TECTA: variants seen among roughly 807,000 people sequenced by gnomAD.
TECTA encodes the protein tectorin alpha.
A neutral mutation model predicts 216.8 loss-of-function variants in TECTA; 128 were observed. That is an observed-to-expected ratio of 0.59 (90% CI 0.51 to 0.68). The LOEUF is 0.68. Among genes scored for constraint, TECTA ranks in the 30% least tolerant of loss-of-function variants. TECTA has a pLI of 0.00. For synonymous variants in TECTA, 1,089 were observed against 1,117.1 expected, an observed-to-expected ratio of 0.97 and a Z score of 0.50; for missense variants, 2,551 against 2,786.2, an observed-to-expected ratio of 0.92 and a Z score of 1.90.
intron 20 of TECTA, 98 bp from the exon 21 acceptor site, chr11:121,187,734 T>C: frequency 7.3e-7 from 1 of 1,366,788 alleles, no homozygotes. Flanking sequence ...CCATTTATGG[T>C]GGTTTTATGT....
At chr11:121,134,574 CT>C (rs34432296) in intron 10 of TECTA, among the ~76,000 whole-genome samples, 36,570 of 148,362 alleles carry the variant, frequency 0.25, 4,567 homozygotes, top group African/African-American at 0.3. Context: ...TTCCCAAAGT[CT>C]TTTTTTTTTT....
At chr11:121,181,668 C>T (rs1947230975) in intron 20 of TECTA, among the ~76,000 whole-genome samples, 1 of 151,960 alleles carries the variant, frequency 6.6e-6, no homozygotes, top group Admixed American at 6.6e-5. Context: ...CAGGTTTCTC[C>T]ATGTTGGTCA....
chr11:121,163,685 A>C (rs1947024344), intron 16 of TECTA, among the ~76,000 whole-genome samples: 1 of 152,242 alleles, frequency 6.6e-6, no homozygotes, highest in African/African-American at 2.4e-5. Context: ...AATTTAAAAA[A>C]ATACATATAT....
intron 20 of TECTA, among the ~76,000 whole-genome samples, chr11:121,176,994 C>T (rs902731835): frequency 2.0e-5 from 3 of 152,224 alleles, no homozygotes; most frequent in Non-Finnish European, 2.9e-5. Context: ...GCATTCTTCA[C>T]GTAGTTCTTG....
chr11:121,135,893 A>G (rs1946721108), intron 10 of TECTA, among the ~76,000 whole-genome samples: 1 of 152,130 alleles, frequency 6.6e-6, no homozygotes, highest in East Asian at 1.9e-4. Flanking sequence ...CCATTAAAGT[A>G]ATAGTGAGAA....
chr11:121,131,184 A>C (rs950413104), intron 10 of TECTA, among the ~76,000 whole-genome samples: 1 of 126,944 alleles, frequency 7.9e-6, no homozygotes, highest in Non-Finnish European at 1.6e-5. Context: ...ACTGCACTCC[A>C]GCCTGGGCGA....
rs551612251 is a variant in TECTA at position 121,160,378 on chromosome 11, G to A, written c.4933G>A (p.Val1645Met). Reference protein sequence around the residue: ...TLRGKPVVSSVVLAQSWKTNG... With the variant: ...TLRGKPVVSSMVLAQSWKTNG... ...GCGAGGGAAGCCGGTGGTAAGCAGC[G>A]TGGTGCTGGCCCAGAGCTGGAAAAC... is the stretch of plus-strand genomic sequence containing the variant. Residue 1645 changes from valine (V) to methionine (M), a missense_variant, in exon 15 of 24, where the codon GTG (valine) becomes ATG (methionine). Val to Met is a conservative substitution (Grantham distance 21). This residue lies in a region of TECTA where 2,375 missense variants were observed against 2,563.9 expected (regional missense o/e 0.93). Coordinates refer to ENST00000392793, the MANE Select transcript of TECTA (RefSeq NM_005422.4). The A allele has an allele frequency of 1.4e-5, 23 of 1,613,386 alleles. No homozygotes were observed. Among genetic ancestry groups the A allele is most frequent in the African/African-American group, 4.0e-5 (3 of 75,012 alleles).
intron 7 of TECTA, among the ~76,000 whole-genome samples, chr11:121,125,002 C>T (rs1403751930): frequency 2.6e-5 from 4 of 152,194 alleles, no homozygotes; most frequent in Non-Finnish European, 1.5e-5. Flanking sequence ...TGAAGCTAGC[C>T]AAGAGCCAGC....
intron 7 of TECTA, among the ~76,000 whole-genome samples, chr11:121,123,829 G>C (rs930334903): frequency 7.2e-5 from 11 of 152,136 alleles, no homozygotes; most frequent in Non-Finnish European, 1.5e-4. Context: ...TGTTCTGGCT[G>C]CTCTTCTCAC....
At chr11:121,158,374 A>T (rs1286670645) in intron 14 of TECTA, 150 bp downstream of exon 14, 2 of 1,174,356 alleles carry the variant, frequency 1.7e-6, no homozygotes, top group Non-Finnish European at 2.4e-6. Context: ...TAAAGAATCA[A>T]AGTATGAAGA....
rs763304703 is a variant in TECTA at position 121,160,281 on chromosome 11, G to A, written c.4836G>A (p.Glu1612=). 1 of 1,614,222 alleles carries A rather than the reference G, an allele frequency of 6.2e-7. No homozygotes were observed. The highest frequency in any genetic ancestry group is 2.2e-5 in the East Asian group (1 of 44,896). ...ACGTCATTAAAATCAGCATCAGCGAGAGGCTGCAGAACAAAGTGTGCGGTC... is the reference window on the plus strand; with the variant it reads ...ACGTCATTAAAATCAGCATCAGCGAAAGGCTGCAGAACAAAGTGTGCGGTC... ...GFNVIKISIS[E]RLQNKVCGLC... is the part of the protein sequence containing the mutation. The change falls in exon 15 of 24, where the codon GAG becomes GAA. Residue 1612 remains glutamate (E), a synonymous_variant. Coordinates refer to ENST00000392793, the MANE Select transcript of TECTA (RefSeq NM_005422.4).
intron 20 of TECTA, among the ~76,000 whole-genome samples, chr11:121,183,628 G>A (rs916661715): frequency 1.3e-5 from 2 of 152,030 alleles, no homozygotes; most frequent in African/African-American, 2.4e-5. Flanking sequence ...TATTCAACTT[G>A]AGGCAGGAGA....
chr11:121,183,756 TAGCATATTGTTGA>T (rs1230190646), intron 20 of TECTA, among the ~76,000 whole-genome samples: 1 of 152,232 alleles, frequency 6.6e-6, no homozygotes, highest in African/African-American at 2.4e-5. Flanking sequence ...CTGTTTGATC[TAGCATATTGTTGA>T]AGCTCTTGAT....
intron 20 of TECTA, among the ~76,000 whole-genome samples, chr11:121,180,811 TC>T (rs1162241287): frequency 2.2e-5 from 3 of 135,242 alleles, no homozygotes; most frequent in Non-Finnish European, 4.7e-5. Flanking sequence ...TCTTTCTTAT[TC>T]CTTTTTTTTT....
At position 121,137,905 on chromosome 11, in the gene TECTA, T is replaced by C; in HGVS notation, c.3426T>C (p.Val1142=). 9.4e-6 allele frequency: 15 copies of C among 1,602,534 alleles called. No homozygotes were observed. The highest frequency in any genetic ancestry group is 1.2e-5 in the Non-Finnish European group (14 of 1,170,654). The part of the protein sequence containing the change: ...RPSSDSFPKF[V]VTAKNEDRDP... ...GCTCAGACTCTTTCCCCAAGTTTGT[T>C]GTCACAGCCAAGAATGAGGACCGGG... The change falls in exon 11 of 24, where the codon GTT becomes GTC. Residue 1142 remains valine (V), a synonymous_variant. Transcript: ENST00000392793.
intron 20 of TECTA, among the ~76,000 whole-genome samples, chr11:121,178,301 G>T (rs1343105172): frequency 6.6e-6 from 1 of 152,204 alleles, no homozygotes; most frequent in Non-Finnish European, 1.5e-5. Flanking sequence ...GACTGGAGCT[G>T]TTCCTATTCA....
At chr11:121,142,219 C>T (rs186495397) in intron 11 of TECTA, among the ~76,000 whole-genome samples, 1 of 152,306 alleles carries the variant, frequency 6.6e-6, no homozygotes, top group Admixed American at 6.5e-5. Context: ...ATTTCCAATA[C>T]TTAAATATTT....
chr11:121,190,846 A>T lies in TECTA; in HGVS notation c.*40A>T. On this transcript the variant is annotated 3_prime_UTR_variant, in exon 24 of 24. Transcript: ENST00000392793. ...CTATATAAAGTACTGTAATTTACTTACTTCAACACCCTGTAGGATAAAAAG... is the reference window on the plus strand; with the variant it reads ...CTATATAAAGTACTGTAATTTACTTTCTTCAACACCCTGTAGGATAAAAAG... The T allele has an allele frequency of 7.0e-7, 1 of 1,432,722 alleles. No individual in the cohort carries two copies. Among genetic ancestry groups the T allele is most frequent in the Non-Finnish European group, 9.8e-7 (1 of 1,023,268 alleles). 88.8% of individuals were successfully genotyped at this position (1,432,722 alleles called of 1,614,324 possible).
chr11:121,103,402 A>G (rs1367841143), intron 2 of TECTA, among the ~76,000 whole-genome samples: 2 of 152,154 alleles, frequency 1.3e-5, no homozygotes, highest in African/African-American at 2.4e-5. Context: ...TGTCTAGTTC[A>G]AGTGGCACAT....
Sources: allele counts gnomAD v4.1 joint callset (sites outside exome capture counted in the v4.1 genomes callset), GRCh38; gene constraint gnomAD v4.1.1; regional missense constraint gnomAD v4.1.1; transcripts MANE v1.5; gene names NCBI Gene and HGNC (gene_info 2026-07-23, HGNC 2026-07-21).